The following MICAL2 variants were observed in gnomAD, a reference collection of about 807,000 sequenced individuals.
MICAL2 encodes microtubule associated monooxygenase, calponin and LIM domain containing 2, also known as [F-actin]-monooxygenase MICAL2.
In MICAL2, 77 loss-of-function variants were observed where a neutral mutation model predicts 127.3. That is an observed-to-expected ratio of 0.60 (90% CI 0.50 to 0.73). The LOEUF (loss-of-function observed/expected upper bound fraction) is 0.73, where lower values mean the gene tolerates loss of function less well. Ranked by LOEUF, MICAL2 falls within the 30% of genes least tolerant of loss-of-function variation. MICAL2 has a pLI of 0.00. For missense variants in MICAL2, 1,351 were observed against 1,434.4 expected, an observed-to-expected ratio of 0.94 and a Z score of 0.94; for synonymous variants, 570 against 551.1, an observed-to-expected ratio of 1.03 and a Z score of -0.48.
chr11:12,299,312 TCA>T (rs1864019931), intron 29 of MICAL2, among the ~76,000 whole-genome samples: 1 of 152,016 alleles, frequency 6.6e-6, no homozygotes, highest in South Asian at 2.1e-4. Flanking sequence ...AAACACACAC[TCA>T]CATATATGCA....
At chr11:12,277,300 G>A (rs900079385) in intron 1 of MICAL2, among the ~76,000 whole-genome samples, 2 of 151,944 alleles carry the variant, frequency 1.3e-5, no homozygotes, top group African/African-American at 2.4e-5. Context: ...GCTTGACAAC[G>A]CACAGTGCTG....
chr11:12,149,278 C>T (rs183840333), intron 2 of MICAL2, among the ~76,000 whole-genome samples: 3 of 151,984 alleles, frequency 2.0e-5, no homozygotes, highest in South Asian at 2.1e-4. Flanking sequence ...GCTGGAGGGG[C>T]GAGCTAGGGC....
At chr11:12,111,904 T>C (rs1213799934) in intron 1 of MICAL2, among the ~76,000 whole-genome samples, 2 of 152,224 alleles carry the variant, frequency 1.3e-5, no homozygotes, top group East Asian at 3.9e-4. Flanking sequence ...AGGGTAGTCC[T>C]GTGCAATGCC....
At chr11:12,304,690 AC>A (rs1565300036) in intron 29 of MICAL2, among the ~76,000 whole-genome samples, 13 of 147,256 alleles carry the variant, frequency 8.8e-5, no homozygotes, top group South Asian at 2.2e-4. Flanking sequence ...ACACACACAC[AC>A]ACAAAACATT....
At chr11:12,361,389 T>C (rs1044338225), downstream of MICAL2, among the ~76,000 whole-genome samples, 3 of 152,114 alleles carry the variant, frequency 2.0e-5, no homozygotes, top group African/African-American at 7.2e-5. Context: ...TCCAAATAAA[T>C]ACAAAGATCA....
chr11:12,197,735 G>C (rs957133282), intron 3 of MICAL2: 2 of 152,200 alleles, frequency 1.3e-5, no homozygotes, highest in African/African-American at 4.8e-5. Flanking sequence ...AACTTCTGAG[G>C]CCAAAAGGCA....
chr11:12,324,186 T>C, intron 31 of MICAL2: 1 of 1,233,358 alleles, frequency 8.1e-7, no homozygotes, highest in Non-Finnish European at 1.1e-6. Flanking sequence ...TGGAGAAAGG[T>C]CAGTCTTGTT....
Position 12,256,795 on chromosome 11 carries a change from G to A in MICAL2, c.2966G>A (p.Arg989Gln), listed in dbSNP as rs748528562. ...QATSPDLESMRKSFPLNLGGS... is the reference protein window; with the variant it reads ...QATSPDLESMQKSFPLNLGGS... ...TCTCCCGATCCCCAGGAATCTATGC[G>A]AAAGTCATTTCCCCTTAACCTGGGA... is the stretch of plus-strand genomic sequence containing the variant. Residue 989 changes from arginine (R) to glutamine (Q), a missense_variant, in exon 24 of 28, where the codon CGA becomes CAA. Physicochemically the swap from Arg to Gln is conservative, Grantham distance 43. This residue lies in a region of MICAL2 where 752 missense variants were observed against 719.4 expected (regional missense o/e 1.05). Coordinates refer to ENST00000683283, the MANE Select transcript of MICAL2 (RefSeq NM_001282663.2). 5 of 1,611,396 alleles carry A rather than the reference G, an allele frequency of 3.1e-6. No individual in the cohort carries two copies. Among genetic ancestry groups the A allele is most frequent in the East Asian group, 2.2e-5 (1 of 44,818 alleles).
chr11:12,133,811 G>A (rs1851618769), intron 1 of MICAL2, among the ~76,000 whole-genome samples: 1 of 152,184 alleles, frequency 6.6e-6, no homozygotes. Flanking sequence ...ACTTGCCCAA[G>A]GATGCACCTG....
chr11:12,140,969 TTCTCACTGACC>T (rs1852293892), intron 2 of MICAL2, among the ~76,000 whole-genome samples: 1 of 152,226 alleles, frequency 6.6e-6, no homozygotes, highest in Non-Finnish European at 1.5e-5. Flanking sequence ...TACCTCTTCC[TTCTCACTGACC>T]TCTGAACTTT....
At chr11:12,292,091 T>C (rs1289935336), downstream of MICAL2, 8 of 1,565,748 alleles carry the variant, frequency 5.1e-6, no homozygotes, top group Non-Finnish European at 6.9e-6. Flanking sequence ...TCCTCTTTTC[T>C]TGATAAAATA....
At chr11:12,353,740 C>CA (rs1277866149) in intron 33 of MICAL2, among the ~76,000 whole-genome samples, 2 of 152,148 alleles carry the variant, frequency 1.3e-5, no homozygotes, top group Non-Finnish European at 2.9e-5. Flanking sequence ...AAATGCTGAG[C>CA]CCCCAGCACT....
At chr11:12,126,513 T>C (rs1850932225) in intron 1 of MICAL2, among the ~76,000 whole-genome samples, 1 of 152,094 alleles carries the variant, frequency 6.6e-6, no homozygotes, top group Non-Finnish European at 1.5e-5. Flanking sequence ...GAGTGGCCAG[T>C]CCAGGTACCT....
intron 10 of MICAL2, 51 bp from the exon 11 acceptor site, chr11:12,222,566 G>C (rs1278080755): frequency 6.2e-6 from 10 of 1,612,440 alleles, no homozygotes; most frequent in Non-Finnish European, 8.5e-6. Context: ...TGGGGACAAG[G>C]CCTGAGGTGG....
At chr11:12,195,511 T>C (rs901150484) in intron 3 of MICAL2, among the ~76,000 whole-genome samples, 1 of 152,030 alleles carries the variant, frequency 6.6e-6, no homozygotes, top group Admixed American at 6.6e-5. Flanking sequence ...TCTCTATATA[T>C]CTGAAAAGTA....
intron 7 of MICAL2, among the ~76,000 whole-genome samples, chr11:12,215,265 G>A (rs1343265010): frequency 6.6e-6 from 1 of 152,236 alleles, no homozygotes; most frequent in Non-Finnish European, 1.5e-5. Context: ...CCCTCAGACA[G>A]TGACAGTCGC....
At chr11:12,269,683 G>A (rs1332774996) in intron 24 of MICAL2, among the ~76,000 whole-genome samples, 1 of 152,210 alleles carries the variant, frequency 6.6e-6, no homozygotes, top group African/African-American at 2.4e-5. Context: ...AAGGGGCTGA[G>A]GCTCGGCACT....
chr11:12,204,196 G>C, intron 3 of MICAL2, 54 bp from the exon 4 acceptor site: 1 of 1,547,660 alleles, frequency 6.5e-7, no homozygotes, highest in Non-Finnish European at 8.9e-7. Flanking sequence ...CTGGGGGTTC[G>C]TGTCTGTGAT....
chr11:12,143,496 A>G (rs994065126), intron 2 of MICAL2, among the ~76,000 whole-genome samples: 1 of 152,202 alleles, frequency 6.6e-6, no homozygotes, highest in African/African-American at 2.4e-5. Flanking sequence ...CATATAGAGA[A>G]AGGAACTTCT....
Sources: allele counts gnomAD v4.1 joint callset (sites outside exome capture counted in the v4.1 genomes callset), GRCh38; gene constraint gnomAD v4.1.1; regional missense constraint gnomAD v4.1.1; transcripts MANE v1.5; gene names NCBI Gene and HGNC (gene_info 2026-07-23, HGNC 2026-07-21).